The following FTCDNL1 variants were observed in gnomAD, a reference collection of about 807,000 sequenced individuals.
FTCDNL1 encodes formiminotransferase N-terminal subdomain-containing protein.
A neutral mutation model predicts 5.9 loss-of-function variants in FTCDNL1; 11 were observed. The ratio of observed to expected loss-of-function variants is 1.87; its 90% CI spans 1.18 to 3.10. The LOEUF is 3.10. Among genes scored for constraint, FTCDNL1 ranks in the 30% most tolerant of loss-of-function variants. The pLI is 0.00. For synonymous variants in FTCDNL1, 58 were observed against 24.8 expected (o/e 2.34, Z -3.99); for missense variants, 115 against 65.5 (o/e 1.76, Z -2.61).
chr2:199,727,542 C>T, the FTCDNL1 span, among the ~76,000 whole-genome samples: 5 of 152,306 alleles, frequency 3.3e-5, no homozygotes, highest in African/African-American at 1.2e-4. Context: ...GTGAGGCTCC[C>T]AGCTGGGTAG....
chr2:199,674,176 T>C, the FTCDNL1 span, among the ~76,000 whole-genome samples: 4 of 152,082 alleles, frequency 2.6e-5, no homozygotes, highest in East Asian at 7.7e-4. Flanking sequence ...ATTCTGAGGC[T>C]GGAAGAAGGA....
chr2:199,781,497 T>C (rs74732932), intron 3 of FTCDNL1, among the ~76,000 whole-genome samples: 4,734 of 152,250 alleles, frequency 0.031, 126 homozygotes, highest in Admixed American at 0.072. Context: ...TTTCATCCAA[T>C]CCAATTAGCA....
the FTCDNL1 span, among the ~76,000 whole-genome samples, chr2:199,669,686 C>T: frequency 6.6e-6 from 1 of 152,096 alleles, no homozygotes; most frequent in East Asian, 1.9e-4. Flanking sequence ...AAAGATTCTG[C>T]CGAACCTTTT....
the FTCDNL1 span, among the ~76,000 whole-genome samples, chr2:199,743,560 C>T: frequency 7.1e-6 from 1 of 140,188 alleles, no homozygotes; most frequent in Non-Finnish European, 1.6e-5. Context: ...GTGGTGGAGA[C>T]TCTCCCTGAC....
At chr2:199,673,056 A>C in the FTCDNL1 span, among the ~76,000 whole-genome samples, 5 of 152,134 alleles carry the variant, frequency 3.3e-5, no homozygotes, top group African/African-American at 4.8e-5. Flanking sequence ...GGCTGGGCAC[A>C]GTGGCTCACA....
intron 3 of FTCDNL1, among the ~76,000 whole-genome samples, chr2:199,788,136 A>C (rs904552299): frequency 5.3e-5 from 8 of 152,186 alleles, no homozygotes; most frequent in African/African-American, 1.9e-4. Context: ...AGAAGATGAA[A>C]GCTTATTTTT....
At chr2:199,684,963 T>G in the FTCDNL1 span, among the ~76,000 whole-genome samples, 1 of 152,208 alleles carries the variant, frequency 6.6e-6, no homozygotes, top group Non-Finnish European at 1.5e-5. Context: ...CTAAAGTGTC[T>G]GTGGTTTTCT....
chr2:199,705,510 A>C, the FTCDNL1 span, among the ~76,000 whole-genome samples: 36 of 152,292 alleles, frequency 2.4e-4, no homozygotes, highest in African/African-American at 7.0e-4. Context: ...AGTTTTTTAT[A>C]AACACCTTAG....
the FTCDNL1 span, among the ~76,000 whole-genome samples, chr2:199,705,209 G>C: frequency 1.3e-5 from 2 of 152,148 alleles, no homozygotes; most frequent in African/African-American, 4.8e-5. Flanking sequence ...GGGAAAGTAA[G>C]GAATATATCC....
chr2:199,746,227 A>C, the FTCDNL1 span, among the ~76,000 whole-genome samples: 1 of 152,198 alleles, frequency 6.6e-6, no homozygotes, highest in Non-Finnish European at 1.5e-5. Context: ...TTCCTCTGAC[A>C]GTTGTGTCGT....
At chr2:199,753,804 G>A in the FTCDNL1 span, among the ~76,000 whole-genome samples, 1 of 152,220 alleles carries the variant, frequency 6.6e-6, no homozygotes, top group Non-Finnish European at 1.5e-5. Flanking sequence ...AATATTCAGA[G>A]ATTATTTGTG....
intron 3 of FTCDNL1, among the ~76,000 whole-genome samples, chr2:199,766,276 AAAT>A (rs1314586517): frequency 6.6e-6 from 1 of 152,258 alleles, no homozygotes; most frequent in Non-Finnish European, 1.5e-5. Context: ...ACAAATTTTG[AAAT>A]AATGTGTAGC....
At chr2:199,770,390 T>C (rs1427780721) in intron 3 of FTCDNL1, among the ~76,000 whole-genome samples, 2 of 152,190 alleles carry the variant, frequency 1.3e-5, no homozygotes, top group African/African-American at 4.8e-5. Context: ...AAGTCCAACA[T>C]CGCATAGTCA....
chr2:199,700,027 A>G, the FTCDNL1 span, among the ~76,000 whole-genome samples: 2 of 152,190 alleles, frequency 1.3e-5, no homozygotes, highest in African/African-American at 4.8e-5. Context: ...CCTATTCAAC[A>G]TAGTACTGGA....
At chr2:199,779,612 G>A (rs1036769395) in intron 3 of FTCDNL1, among the ~76,000 whole-genome samples, 23 of 152,172 alleles carry the variant, frequency 1.5e-4, no homozygotes, top group Admixed American at 2.6e-4. Flanking sequence ...GCAAAAAAGC[G>A]ATGTGCCTCC....
chr2:199,745,580 A>G, the FTCDNL1 span, among the ~76,000 whole-genome samples: 3 of 152,208 alleles, frequency 2.0e-5, no homozygotes, highest in African/African-American at 4.8e-5. Context: ...AAGAACTAGG[A>G]TTTCTAAAAT....
At chr2:199,758,358 A>G (rs1041133165), downstream of FTCDNL1, among the ~76,000 whole-genome samples, 4 of 152,024 alleles carry the variant, frequency 2.6e-5, no homozygotes, top group African/African-American at 9.7e-5. Context: ...TGGATATGCA[A>G]TTCATAGAAT....
At chr2:199,827,572 T>A (rs1702113443) in intron 3 of FTCDNL1, among the ~76,000 whole-genome samples, 1 of 150,190 alleles carries the variant, frequency 6.7e-6, no homozygotes, top group African/African-American at 2.5e-5. Flanking sequence ...TATGAAGGAG[T>A]GAAATACCAT....
At chr2:199,790,847 T>C (rs1276191758) in intron 3 of FTCDNL1, among the ~76,000 whole-genome samples, 4 of 152,190 alleles carry the variant, frequency 2.6e-5, no homozygotes, top group Admixed American at 2.6e-4. Context: ...CTGCTAGGTA[T>C]AAATTTGATG....
Sources: allele counts gnomAD v4.1 joint callset (sites outside exome capture counted in the v4.1 genomes callset), GRCh38; gene constraint gnomAD v4.1.1; transcripts MANE v1.5; gene names NCBI Gene and HGNC (gene_info 2026-07-23, HGNC 2026-07-21).